RBFOX3: variants seen among roughly 807,000 people sequenced by gnomAD.
RBFOX3 encodes the protein RNA binding protein fox-1 homolog 3.
Under a neutral mutation model 48.7 loss-of-function variants are expected in RBFOX3, and 17 were observed. The ratio of observed to expected loss-of-function variants is 0.35; its 90% CI spans 0.24 to 0.52. The LOEUF (loss-of-function observed/expected upper bound fraction) is 0.52. Among genes scored for constraint, RBFOX3 ranks in the 20% least tolerant of loss-of-function variants. RBFOX3 has a pLI of 0.94. For synonymous variants in RBFOX3, 212 were observed against 209.5 expected (o/e 1.01, Z -0.10); for missense variants, 382 against 497.5 (o/e 0.77, Z 2.21).
chr17:79,373,610 C>T (rs889520251), intron 2 of RBFOX3, among the ~76,000 whole-genome samples: 2 of 152,150 alleles, frequency 1.3e-5, no homozygotes, highest in East Asian at 1.9e-4. Context: ...GAATCTGTCT[C>T]GGTGGTTTTA....
intron 5 of RBFOX3, among the ~76,000 whole-genome samples, chr17:79,112,606 C>T (rs146713002): frequency 1.7e-4 from 26 of 152,214 alleles, no homozygotes; most frequent in Admixed American, 6.5e-4. Context: ...GGTCCTAGAA[C>T]GGAACAGGCT....
chr17:79,419,037 G>A (rs946117370), intron 2 of RBFOX3, among the ~76,000 whole-genome samples: 1 of 152,174 alleles, frequency 6.6e-6, no homozygotes, highest in Non-Finnish European at 1.5e-5. Context: ...AGGAGGAAGC[G>A]TGGCATCCTG....
At chr17:79,216,279 G>T (rs897839097) in intron 4 of RBFOX3, among the ~76,000 whole-genome samples, 1 of 152,238 alleles carries the variant, frequency 6.6e-6, no homozygotes, top group East Asian at 1.9e-4. Context: ...AGCCACTGTG[G>T]TCTCTGCGGT....
intron 2 of RBFOX3, among the ~76,000 whole-genome samples, chr17:79,456,107 G>C (rs2074442138): frequency 1.3e-5 from 2 of 151,940 alleles, no homozygotes; most frequent in African/African-American, 4.8e-5. Flanking sequence ...ACACTGACGG[G>C]GCCCCAGCCC....
intron 1 of RBFOX3, among the ~76,000 whole-genome samples, chr17:79,521,272 ACAGACACATG>A (rs2086043080): frequency 4.6e-5 from 6 of 130,834 alleles, no homozygotes; most frequent in African/African-American, 2.4e-4. Flanking sequence ...AGACACACGC[ACAGACACATG>A]CACAGACACA....
chr17:79,121,683 C>A (rs1404711815), intron 4 of RBFOX3, among the ~76,000 whole-genome samples: 1 of 152,086 alleles, frequency 6.6e-6, no homozygotes, highest in Non-Finnish European at 1.5e-5. Context: ...GCTGCACTGC[C>A]CCACTCTCAG....
intron 4 of RBFOX3, among the ~76,000 whole-genome samples, chr17:79,155,769 C>T (rs770791659): frequency 2.0e-5 from 3 of 152,148 alleles, no homozygotes; most frequent in Non-Finnish European, 2.9e-5. Context: ...CCCAAGAGTG[C>T]CACAGCCTGG....
rs1179525283 is a variant in RBFOX3, at chr17:79,443,096, G to C, written c.-175+39358C>G. Among the ~76,000 whole-genome samples, 1 of 152,224 alleles carries C rather than the reference G, an allele frequency of 6.6e-6. No homozygotes were observed. Reference sequence around the variant, plus strand: ...GGTGCACATGGACGAGACAGTGGTGGCCTCTGCCCCTGTGGACAAAACCGG... The same window carrying C: ...GGTGCACATGGACGAGACAGTGGTGCCCTCTGCCCCTGTGGACAAAACCGG... On this transcript the variant is annotated intron_variant, in intron 2 of 14. Coordinates refer to ENST00000693108, the MANE Select transcript of RBFOX3 (RefSeq NM_001350451.2). The surrounding 1 kb of genome is among the most constrained non-coding windows in gnomAD (Gnocchi z 4.4).
At chr17:79,128,388 C>T (rs1026780480) in intron 4 of RBFOX3, among the ~76,000 whole-genome samples, 2 of 152,140 alleles carry the variant, frequency 1.3e-5, no homozygotes, top group African/African-American at 4.8e-5. Context: ...GCAGGTTTTC[C>T]CCAGGTGCTT....
chr17:79,383,745 T>C (rs2060222610), intron 2 of RBFOX3, among the ~76,000 whole-genome samples: 2 of 152,134 alleles, frequency 1.3e-5, no homozygotes, highest in South Asian at 2.1e-4. Context: ...GGGCACCCCC[T>C]GGATGACTGT....
At chr17:79,464,238 A>T (rs2076017904) in intron 2 of RBFOX3, among the ~76,000 whole-genome samples, 1 of 151,514 alleles carries the variant, frequency 6.6e-6, no homozygotes. Context: ...CACCAAGGAG[A>T]CTGGCCGATT....
the RBFOX3 span, among the ~76,000 whole-genome samples, chr17:79,623,437 T>A: frequency 6.6e-6 from 1 of 152,058 alleles, no homozygotes. Flanking sequence ...CAGATGGGAT[T>A]GGGGTTGCTC....
intron 1 of RBFOX3, among the ~76,000 whole-genome samples, chr17:79,545,640 G>A (rs1334154799): frequency 2.6e-5 from 4 of 152,320 alleles, no homozygotes; most frequent in African/African-American, 9.6e-5. Context: ...GAAAACAAGA[G>A]GGGAGGCCTT....
chr17:79,349,851 G>A (rs2083560523), intron 2 of RBFOX3, among the ~76,000 whole-genome samples: 1 of 151,490 alleles, frequency 6.6e-6, no homozygotes. Context: ...AGGACGGAAT[G>A]GGTTCCCTGA....
the RBFOX3 span, among the ~76,000 whole-genome samples, chr17:79,623,322 A>G: frequency 6.6e-6 from 1 of 152,222 alleles, no homozygotes; most frequent in Non-Finnish European, 1.5e-5. Context: ...TGAGTTTGAG[A>G]TACCCCACAG....
chr17:79,211,628 CG>C (rs1291942757), intron 4 of RBFOX3, among the ~76,000 whole-genome samples: 1 of 152,122 alleles, frequency 6.6e-6, no homozygotes, highest in African/African-American at 2.4e-5. Flanking sequence ...GCTCAGACTC[CG>C]GGGGGCTGGA....
intron 2 of RBFOX3, among the ~76,000 whole-genome samples, chr17:79,318,571 G>A (rs1017889998): frequency 6.6e-6 from 1 of 152,066 alleles, no homozygotes; most frequent in African/African-American, 2.4e-5. Flanking sequence ...ATTTGACTGT[G>A]GGGCCACGTG....
In RBFOX3 at chr17:79,149,266, A is replaced by C. The variant is rs540632122; in HGVS notation, c.-33-33518T>G. On this transcript the variant is annotated intron_variant, in intron 4 of 14. Coordinates refer to ENST00000693108, the MANE Select transcript of RBFOX3 (RefSeq NM_001350451.2). The stretch of plus-strand genomic sequence containing the variant: ...AGGGCATCCATCTGGGGCTTAGTAG[A>C]GCGTGGGAGGCAGCATCTCGGGACC... Among the ~76,000 whole-genome samples the C allele has an allele frequency of 1.6e-3, 237 of 152,252 alleles. 1 individual carries two copies. The highest frequency in any genetic ancestry group is 5.5e-3 in the African/African-American group (228 of 41,532).
the RBFOX3 span, among the ~76,000 whole-genome samples, chr17:79,664,484 C>G: frequency 2.0e-5 from 3 of 151,988 alleles, no homozygotes. Flanking sequence ...GTAGCTGGGA[C>G]TACAGGCGCC....
Sources: allele counts gnomAD v4.1 joint callset (sites outside exome capture counted in the v4.1 genomes callset), GRCh38; gene constraint gnomAD v4.1.1; non-coding constraint Gnocchi (gnomAD v3.1); transcripts MANE v1.5; gene names NCBI Gene and HGNC (gene_info 2026-07-23, HGNC 2026-07-21).